Variants in SYT1 observed in about 807,000 individuals in gnomAD.
SYT1 encodes the protein synaptotagmin 1.
Under a neutral mutation model 44.8 loss-of-function variants are expected in SYT1, and 8 were observed. That is an observed-to-expected ratio of 0.18 (90% CI 0.10 to 0.32). The LOEUF (loss-of-function observed/expected upper bound fraction) is 0.32. Ranked by LOEUF, SYT1 falls within the 10% of genes least tolerant of loss-of-function variation. The probability of loss-of-function intolerance (pLI) is 1.00; values close to 1 mark genes in which losing one functional copy is unlikely to be tolerated. For missense variants in SYT1, 286 were observed against 509.3 expected (o/e 0.56, Z 4.22); for synonymous variants, 154 against 188.8 (o/e 0.82, Z 1.51).
rs575645409 is a variant in SYT1, at chr12:79,431,068, C to T, written c.929-13005C>T. ...TGGAATCACCATTTAAGTTGTCTTA[C>T]ATCCGAAGTTATCAAGGTGAAAGAT... is the stretch of plus-strand genomic sequence containing the variant. On this transcript the variant is annotated intron_variant, in intron 9 of 10. Transcript: ENST00000261205. Among the ~76,000 whole-genome samples the T allele has an allele frequency of 5.9e-5, 9 of 152,328 alleles. No individual in the cohort carries two copies. In the South Asian group the frequency reaches 1.9e-3, roughly 32 times the overall value.
At chr12:79,182,933 C>T (rs555083607) in intron 3 of SYT1, among the ~76,000 whole-genome samples, 24 of 152,162 alleles carry the variant, frequency 1.6e-4, no homozygotes, top group African/African-American at 5.1e-4. Flanking sequence ...ATTGTTATAG[C>T]TTCATTTGAT....
chr12:79,298,624 A>G (rs947614869), intron 7 of SYT1, among the ~76,000 whole-genome samples: 1 of 152,176 alleles, frequency 6.6e-6, no homozygotes, highest in African/African-American at 2.4e-5. Context: ...CTTTCACTGA[A>G]TATTAAAAAT....
intron 9 of SYT1, among the ~76,000 whole-genome samples, chr12:79,434,311 T>C (rs1869962969): frequency 6.6e-6 from 1 of 152,200 alleles, no homozygotes; most frequent in African/African-American, 2.4e-5. Flanking sequence ...CAGAAAATTT[T>C]CCCCAAATAT....
At chr12:79,444,333 T>C in intron 10 of SYT1, 127 bp downstream of exon 10, 1 of 1,167,926 alleles carries the variant, frequency 8.6e-7, no homozygotes, top group East Asian at 2.4e-5. Flanking sequence ...TTTCTCCCCA[T>C]GCACATTTGA....
chr12:78,881,766 A>T (rs1648873687), intron 1 of SYT1, among the ~76,000 whole-genome samples: 1 of 151,498 alleles, frequency 6.6e-6, no homozygotes. Context: ...AAGGGAAAAG[A>T]TAGAAAAAAA....
chr12:78,891,774 T>C (rs1875065050), intron 1 of SYT1, among the ~76,000 whole-genome samples: 1 of 151,844 alleles, frequency 6.6e-6, no homozygotes, highest in South Asian at 2.1e-4. Flanking sequence ...TGTAGTGAGA[T>C]CTGTGAAGTA....
At chr12:79,444,258 A>T in intron 10 of SYT1, 52 bp downstream of exon 10, 1 of 1,602,398 alleles carries the variant, frequency 6.2e-7, no homozygotes, top group Non-Finnish European at 8.5e-7. Flanking sequence ...CCTTCAGACC[A>T]CATAAATTAT....
At chr12:79,142,192 G>A (rs1375520272) in intron 3 of SYT1, among the ~76,000 whole-genome samples, 1 of 152,160 alleles carries the variant, frequency 6.6e-6, no homozygotes, top group Non-Finnish European at 1.5e-5. Flanking sequence ...GTTATACCTG[G>A]GGACTCACAG....
intron 3 of SYT1, among the ~76,000 whole-genome samples, chr12:79,053,721 A>C (rs147729191): frequency 3.5e-4 from 53 of 151,400 alleles, no homozygotes; most frequent in African/African-American, 1.2e-3. Context: ...GTATTATTAC[A>C]TAAAACTTAG....
rs533527537 is a variant in SYT1 at position 79,422,494 on chromosome 12, A to T, written c.929-21579A>T. Among the ~76,000 whole-genome samples, 82 of 151,112 alleles carry T rather than the reference A, an allele frequency of 5.4e-4. 1 individual carries two copies. Among genetic ancestry groups the T allele is most frequent in the African/African-American group, 1.9e-3 (80 of 41,112 alleles). ...CTAGTATAGGTGACTTATTGACTCA[A>T]TTTCCATAGACTCTAACTTTTTTCC... On this transcript the variant is annotated intron_variant, in intron 9 of 10. Coordinates refer to ENST00000261205, the MANE Select transcript of SYT1 (RefSeq NM_005639.3).
intron 1 of SYT1, among the ~76,000 whole-genome samples, chr12:78,952,871 T>C (rs1879036036): frequency 6.6e-6 from 1 of 152,094 alleles, no homozygotes; most frequent in Admixed American, 6.6e-5. Context: ...GCTGAGGGAT[T>C]TTTGTTTTGT....
intron 1 of SYT1, among the ~76,000 whole-genome samples, chr12:78,912,961 T>A (rs996238058): frequency 4.6e-5 from 7 of 152,036 alleles, no homozygotes; most frequent in African/African-American, 1.7e-4. Flanking sequence ...ACTGGAAAGT[T>A]ATATTTTACT....
chr12:79,039,494 G>A (rs1873370703), intron 2 of SYT1, among the ~76,000 whole-genome samples: 1 of 151,854 alleles, frequency 6.6e-6, no homozygotes, highest in Non-Finnish European at 1.5e-5. Context: ...ATACATGCAA[G>A]AAATAGAAAT....
chr12:79,035,404 A>G (rs959951266), intron 2 of SYT1, among the ~76,000 whole-genome samples: 3 of 151,722 alleles, frequency 2.0e-5, no homozygotes, highest in African/African-American at 7.3e-5. Flanking sequence ...CAGTTACCTT[A>G]GAGCACTTTG....
intron 4 of SYT1, among the ~76,000 whole-genome samples, chr12:79,242,087 G>A (rs953336615): frequency 6.6e-6 from 1 of 152,176 alleles, no homozygotes; most frequent in Non-Finnish European, 1.5e-5. Flanking sequence ...TTTCAGACTT[G>A]AAGCCCCTAA....
chr12:79,037,644 C>T (rs1453385729), intron 2 of SYT1, among the ~76,000 whole-genome samples: 2 of 151,692 alleles, frequency 1.3e-5, no homozygotes, highest in East Asian at 3.9e-4. Context: ...TTCTTCTGCC[C>T]TAAATATGAG....
chr12:79,147,001 C>A (rs149796077), intron 3 of SYT1, among the ~76,000 whole-genome samples: 7 of 151,996 alleles, frequency 4.6e-5, no homozygotes, highest in African/African-American at 1.7e-4. Flanking sequence ...CCACCATGTC[C>A]GGCTAATTTT....
At chr12:79,005,621 T>C (rs1272527048) in intron 2 of SYT1, among the ~76,000 whole-genome samples, 1 of 152,070 alleles carries the variant, frequency 6.6e-6, no homozygotes, top group East Asian at 1.9e-4. Context: ...TTATTAGTGA[T>C]AGATACTAGA....
intron 3 of SYT1, among the ~76,000 whole-genome samples, chr12:79,139,553 A>T (rs1204080686): frequency 6.6e-6 from 1 of 152,218 alleles, no homozygotes; most frequent in African/African-American, 2.4e-5. Flanking sequence ...ATACCCTATT[A>T]GTTATCTAAA....
Sources: gnomAD v4.1 joint callset for allele counts (sites outside exome capture counted in the v4.1 genomes callset) on GRCh38, gnomAD v4.1.1 for gene constraint, MANE v1.5 for transcripts, NCBI Gene and HGNC (gene_info 2026-07-23, HGNC 2026-07-21) for gene names.